Variants in GPHN observed in about 807,000 individuals in gnomAD.
GPHN encodes gephyrin.
A neutral mutation model predicts 95.5 loss-of-function variants in GPHN; 17 were observed. The ratio of observed to expected loss-of-function variants is 0.18; its 90% CI spans 0.12 to 0.27. The LOEUF is 0.27. Ranked by LOEUF, GPHN falls within the 10% of genes least tolerant of loss-of-function variation. GPHN has a pLI of 1.00. For missense variants in GPHN, 660 were observed against 978.1 expected (o/e 0.67, Z 4.34); for synonymous variants, 320 against 322.5 (o/e 0.99, Z 0.08).
chr14:67,374,964 G>A, the GPHN span, among the ~76,000 whole-genome samples: 1 of 152,168 alleles, frequency 6.6e-6, no homozygotes, highest in Admixed American at 6.5e-5. Context: ...ACAACCAGCT[G>A]TTATATGTTA....
the GPHN span, among the ~76,000 whole-genome samples, chr14:67,687,256 C>G: frequency 0.86 from 130,951 of 152,188 alleles, 56,546 homozygotes; most frequent in Non-Finnish European, 0.88. Context: ...TAATTTTAAC[C>G]GTTTCCCATT....
At chr14:66,634,374 A>T (rs367796531) in intron 1 of GPHN, among the ~76,000 whole-genome samples, 1 of 152,048 alleles carries the variant, frequency 6.6e-6, no homozygotes, top group South Asian at 2.1e-4. Context: ...CCTGTAATCA[A>T]CAACTGCAGT....
the GPHN span, among the ~76,000 whole-genome samples, chr14:67,305,157 T>C: frequency 6.6e-6 from 1 of 152,224 alleles, no homozygotes; most frequent in South Asian, 2.1e-4. Flanking sequence ...ACTTCAAAAG[T>C]AGCTCTGCAA....
the GPHN span, among the ~76,000 whole-genome samples, chr14:67,187,318 G>GC: frequency 1.2e-4 from 19 of 152,236 alleles, no homozygotes; most frequent in African/African-American, 4.1e-4. Flanking sequence ...TTGTTCCTCT[G>GC]CCTGTAGTTT....
chr14:67,729,229 G>T, the GPHN span: 1 of 1,611,468 alleles, frequency 6.2e-7, no homozygotes, highest in Non-Finnish European at 8.5e-7. Flanking sequence ...CCCAGGCGTC[G>T]TCCGCTCTGA....
the GPHN span, among the ~76,000 whole-genome samples, chr14:67,702,781 T>C: frequency 1.3e-5 from 2 of 152,136 alleles, no homozygotes; most frequent in Non-Finnish European, 2.9e-5. Flanking sequence ...TAAACACACA[T>C]ATATATGCAC....
chr14:67,497,219 G>A, the GPHN span, among the ~76,000 whole-genome samples: 1 of 152,120 alleles, frequency 6.6e-6, no homozygotes, highest in South Asian at 2.1e-4. Context: ...GGGTTGTCTG[G>A]GGTCACGGGA....
chr14:67,653,417 A>G, the GPHN span: 1 of 1,610,938 alleles, frequency 6.2e-7, no homozygotes, highest in Admixed American at 1.7e-5. Context: ...GAGAAATTTC[A>G]TGACTTTAAT....
intron 1 of GPHN, among the ~76,000 whole-genome samples, chr14:66,659,257 T>C (rs1344690031): frequency 1.3e-5 from 2 of 152,078 alleles, no homozygotes; most frequent in Non-Finnish European, 2.9e-5. Context: ...ATTTCAAATC[T>C]GTGCCTTGTC....
At chr14:67,203,898 G>T in the GPHN span, among the ~76,000 whole-genome samples, 1 of 152,214 alleles carries the variant, frequency 6.6e-6, no homozygotes, top group Non-Finnish European at 1.5e-5. Flanking sequence ...TTTCAGTAGA[G>T]ACAGAGTTTC....
chr14:66,879,847 G>T, intron 4 of GPHN, 92 bp from the exon 5 acceptor site: 1 of 814,014 alleles, frequency 1.2e-6, no homozygotes. Context: ...TGAAAGCCTG[G>T]TTTATAATCA....
chr14:66,935,623 C>T lies in GPHN; in HGVS notation c.828+11331C>T, dbSNP rs751004410. 2.6e-5 allele frequency among the ~76,000 whole-genome samples: 4 copies of T among 151,654 alleles called. 1 individual carries two copies. Among genetic ancestry groups the T allele is most frequent in the Middle Eastern group, 6.9e-3 (2 of 288 alleles). On this transcript the variant is annotated intron_variant, in intron 8 of 22. Transcript: ENST00000478722. ...ATCCCAGCTACTTGGGAGGCTGAGG[C>T]AGGAGAATCACTTAACATATATGTG...
chr14:66,897,450 A>G (rs950937052), intron 5 of GPHN, among the ~76,000 whole-genome samples: 2 of 151,806 alleles, frequency 1.3e-5, no homozygotes, highest in African/African-American at 4.8e-5. Context: ...TTGCTTTTCT[A>G]TTGTCATTGC....
chr14:67,586,306 G>C, the GPHN span: 5 of 1,198,776 alleles, frequency 4.2e-6, no homozygotes, highest in Admixed American at 1.9e-5. Context: ...CATATTTGGA[G>C]GGAACTAACT....
chr14:66,837,881 G>A (rs2061918001), intron 4 of GPHN, among the ~76,000 whole-genome samples: 1 of 151,762 alleles, frequency 6.6e-6, no homozygotes, highest in Non-Finnish European at 1.5e-5. Flanking sequence ...GCTTTTATGG[G>A]GCCCTATGGA....
chr14:67,662,499 T>C, the GPHN span: 37 of 1,612,264 alleles, frequency 2.3e-5, no homozygotes, highest in Non-Finnish European at 3.1e-5. Flanking sequence ...TTCCTGTTGC[T>C]TTTCATCAAA....
chr14:67,557,423 G>A, the GPHN span: 1 of 1,611,856 alleles, frequency 6.2e-7, no homozygotes, highest in Non-Finnish European at 8.5e-7. Context: ...AAGCAGGTAA[G>A]GGCTCATGCG....
chr14:67,640,115 A>T, the GPHN span, among the ~76,000 whole-genome samples: 146,838 of 152,028 alleles, frequency 0.97, 71,102 homozygotes, highest in East Asian at 1. Flanking sequence ...GTCTTTTTTT[A>T]AAAAAATAAA....
At chr14:67,271,149 G>T in the GPHN span, 2 of 152,188 alleles carry the variant, frequency 1.3e-5, no homozygotes, top group Admixed American at 6.5e-5. Flanking sequence ...CACTTAGCAG[G>T]TATCACGGCT....
Sources: allele counts gnomAD v4.1 joint callset (sites outside exome capture counted in the v4.1 genomes callset), GRCh38; gene constraint gnomAD v4.1.1; transcripts MANE v1.5; gene names NCBI Gene and HGNC (gene_info 2026-07-23, HGNC 2026-07-21).